Variants in MALRD1 observed in about 807,000 individuals in gnomAD.
The protein encoded by MALRD1 is MAM and LDL-receptor class A domain-containing protein 1.
A neutral mutation model predicts 242.1 loss-of-function variants in MALRD1; 247 were observed. The observed-to-expected ratio is 1.02, with a 90% CI of 0.92 to 1.13. The LOEUF (loss-of-function observed/expected upper bound fraction) is 1.13, where lower values mean the gene tolerates loss of function less well. Ranked by LOEUF, MALRD1 falls within the 50% of genes most tolerant of loss-of-function variation. MALRD1 has a pLI of 0.00. For missense variants in MALRD1, 2,989 were observed against 2,533.1 expected, an observed-to-expected ratio of 1.18 and a Z score of -3.86; for synonymous variants, 995 against 866.6, an observed-to-expected ratio of 1.15 and a Z score of -2.60.
intron 7 of MALRD1, 125 bp downstream of exon 7, chr10:19,124,795 C>A: frequency 1.3e-6 from 1 of 784,386 alleles, no homozygotes; most frequent in Non-Finnish European, 1.7e-6. Flanking sequence ...AAAATACATT[C>A]TGCCAAAGGA....
At chr10:19,344,910 A>G (rs1328324622) in intron 24 of MALRD1, among the ~76,000 whole-genome samples, 1 of 152,076 alleles carries the variant, frequency 6.6e-6, no homozygotes, top group Non-Finnish European at 1.5e-5. Context: ...AAATAGTTTG[A>G]TTGATGACAC....
At chr10:19,640,447 G>T (rs1372098303) in intron 36 of MALRD1, among the ~76,000 whole-genome samples, 1 of 152,090 alleles carries the variant, frequency 6.6e-6, no homozygotes. Flanking sequence ...ACATCCAAAG[G>T]CAGTTTCATT....
intron 2 of MALRD1, among the ~76,000 whole-genome samples, chr10:19,078,098 A>G (rs1835372923): frequency 6.6e-6 from 1 of 151,832 alleles, no homozygotes. Context: ...GTCAGCTATT[A>G]TCATTAGGAT....
intron 36 of MALRD1, among the ~76,000 whole-genome samples, chr10:19,647,338 C>A (rs1192765590): frequency 6.6e-6 from 1 of 152,134 alleles, no homozygotes; most frequent in Non-Finnish European, 1.5e-5. Flanking sequence ...TCCTAGCACA[C>A]CACTATTAGA....
intron 36 of MALRD1, among the ~76,000 whole-genome samples, chr10:19,621,044 G>T (rs558890629): frequency 1.3e-5 from 2 of 149,926 alleles, no homozygotes; most frequent in African/African-American, 4.9e-5. Flanking sequence ...TTACTACAAT[G>T]ACAGAAGAGG....
chr10:19,664,719 A>C lies in MALRD1; in HGVS notation c.6138-27563A>C, dbSNP rs373831145. ...TTAATATATTTATTATAAATAATTT[A>C]AAAATTCAGAAGCTTATCCAGTTTA... On this transcript the variant is annotated intron_variant, in intron 36 of 39. Transcript: ENST00000454679. Among the ~76,000 whole-genome samples the C allele has an allele frequency of 3.5e-4, 53 of 151,966 alleles. 1 individual carries two copies. The East Asian group carries it at 0.01, about 29-fold the overall frequency.
intron 1 of MALRD1, among the ~76,000 whole-genome samples, chr10:19,050,131 A>G (rs1226017102): frequency 8.2e-6 from 1 of 121,690 alleles, no homozygotes; most frequent in African/African-American, 3.2e-5. Flanking sequence ...TCTGTCGCCC[A>G]GGCTGGAGTG....
chr10:19,192,025 A>G (rs1835997040), intron 14 of MALRD1, among the ~76,000 whole-genome samples: 1 of 152,090 alleles, frequency 6.6e-6, no homozygotes, highest in Non-Finnish European at 1.5e-5. Flanking sequence ...ATAAATGAAA[A>G]TAAATAAAAT....
At chr10:19,511,939 C>T (rs942084283) in intron 31 of MALRD1, among the ~76,000 whole-genome samples, 1 of 151,984 alleles carries the variant, frequency 6.6e-6, no homozygotes, top group Non-Finnish European at 1.5e-5. Flanking sequence ...AGGATGTCAT[C>T]TTCTTCTGAA....
chr10:19,637,431 G>T (rs536003320), intron 36 of MALRD1, among the ~76,000 whole-genome samples: 1 of 152,166 alleles, frequency 6.6e-6, no homozygotes, highest in Non-Finnish European at 1.5e-5. Context: ...AGAAAATCAA[G>T]TTGATTAATT....
intron 28 of MALRD1, among the ~76,000 whole-genome samples, chr10:19,397,396 T>C (rs184872225): frequency 2.3e-4 from 35 of 152,318 alleles, no homozygotes; most frequent in Admixed American, 1.1e-3. Flanking sequence ...GCCTTATCAA[T>C]GTTATTGCAA....
intron 2 of MALRD1, among the ~76,000 whole-genome samples, chr10:19,080,250 C>G (rs529474515): frequency 6.6e-4 from 100 of 151,900 alleles, no homozygotes; most frequent in Non-Finnish European, 1.4e-3. Flanking sequence ...GCATTCTTCA[C>G]AAAATTGGAA....
intron 14 of MALRD1, among the ~76,000 whole-genome samples, chr10:19,182,753 G>A (rs1160037808): frequency 6.6e-6 from 1 of 152,066 alleles, no homozygotes; most frequent in Non-Finnish European, 1.5e-5. Context: ...TAAGCAATGG[G>A]AATTTTGAAG....
intron 18 of MALRD1, among the ~76,000 whole-genome samples, chr10:19,237,307 C>A (rs980478392): frequency 2.6e-5 from 4 of 150,956 alleles, no homozygotes; most frequent in Non-Finnish European, 5.9e-5. Flanking sequence ...TTCTTCCTCA[C>A]TGTTTGGTAA....
chr10:19,223,109 T>A (rs1386000493), intron 18 of MALRD1, among the ~76,000 whole-genome samples: 1 of 152,304 alleles, frequency 6.6e-6, no homozygotes, highest in East Asian at 1.9e-4. Context: ...AGTGGCATAT[T>A]GACAATTTTA....
chr10:19,471,716 A>G (rs556333440), intron 29 of MALRD1, among the ~76,000 whole-genome samples: 3 of 129,514 alleles, frequency 2.3e-5, no homozygotes, highest in Non-Finnish European at 1.7e-5. Flanking sequence ...TTTCTTTTTC[A>G]TATAGTTTAT....
chr10:19,430,326 G>A (rs1771461712), intron 28 of MALRD1, among the ~76,000 whole-genome samples: 1 of 151,398 alleles, frequency 6.6e-6, no homozygotes, highest in South Asian at 2.1e-4. Context: ...CACTGTGTTA[G>A]CCAGGATGGT....
intron 5 of MALRD1, among the ~76,000 whole-genome samples, chr10:19,104,285 A>G (rs1040121955): frequency 7.9e-5 from 12 of 152,274 alleles, no homozygotes; most frequent in Middle Eastern, 3.4e-3. Flanking sequence ...TAAAGAACTG[A>G]ATGGGATAAT....
chr10:19,655,914 A>G (rs553061703), intron 36 of MALRD1, among the ~76,000 whole-genome samples: 9 of 152,176 alleles, frequency 5.9e-5, no homozygotes, highest in African/African-American at 2.2e-4. Flanking sequence ...TTGAGGACAG[A>G]GTGTCTCAGT....
Sources: gnomAD v4.1 joint callset for allele counts (sites outside exome capture counted in the v4.1 genomes callset) on GRCh38, gnomAD v4.1.1 for gene constraint, MANE v1.5 for transcripts, NCBI Gene and HGNC (gene_info 2026-07-23, HGNC 2026-07-21) for gene names.